The following VWA8 variants were observed in gnomAD, a reference collection of about 807,000 sequenced individuals.
VWA8 encodes the protein von Willebrand factor A domain-containing protein 8.
A neutral mutation model predicts 241.5 loss-of-function variants in VWA8; 221 were observed. The ratio of observed to expected loss-of-function variants is 0.91; its 90% CI spans 0.82 to 1.02. VWA8 has a LOEUF of 1.02. VWA8 is among the 50% of genes least tolerant of loss of function. The pLI, the probability that VWA8 is intolerant of heterozygous loss-of-function variation, is 0.00. For missense variants in VWA8, 2,322 were observed against 2,328.7 expected, an observed-to-expected ratio of 1.00 and a Z score of 0.06; for synonymous variants, 852 against 827.1, an observed-to-expected ratio of 1.03 and a Z score of -0.52.
At chr13:41,952,755 TA>T (rs3074013) in intron 1 of VWA8, among the ~76,000 whole-genome samples, 3 of 151,834 alleles carry the variant, frequency 2.0e-5, no homozygotes, top group South Asian at 2.1e-4. Context: ...ATTTTTTTTT[TA>T]AAAAAAGTAA....
At chr13:41,573,601 A>C (rs1054876409) in intron 43 of VWA8, among the ~76,000 whole-genome samples, 4 of 135,544 alleles carry the variant, frequency 3.0e-5, no homozygotes, top group South Asian at 2.3e-4. Context: ...ATACACCTCT[A>C]TATATACGCA....
At chr13:41,727,170 T>G in intron 24 of VWA8, 24 bp downstream of exon 24, 1 of 1,509,574 alleles carries the variant, frequency 6.6e-7, no homozygotes, top group South Asian at 1.3e-5. Flanking sequence ...CTATTGGTAT[T>G]GTTATTATCA....
chr13:41,937,638 C>T (rs559523665), intron 2 of VWA8, among the ~76,000 whole-genome samples: 2 of 152,260 alleles, frequency 1.3e-5, no homozygotes, highest in South Asian at 4.1e-4. Flanking sequence ...CAGACCAGTA[C>T]TGGACCCATC....
intron 20 of VWA8, among the ~76,000 whole-genome samples, chr13:41,773,534 G>C (rs1868425175): frequency 6.6e-6 from 1 of 152,184 alleles, no homozygotes; most frequent in South Asian, 2.1e-4. Flanking sequence ...GCAAAGCACA[G>C]TTCTGTGGGG....
intron 4 of VWA8, among the ~76,000 whole-genome samples, chr13:41,904,115 C>CT (rs1348231330): frequency 6.6e-6 from 1 of 152,044 alleles, no homozygotes; most frequent in East Asian, 1.9e-4. Flanking sequence ...TAAAAATATT[C>CT]TTTTTAGAAG....
At chr13:41,906,522 G>C (rs1038642192) in intron 4 of VWA8, among the ~76,000 whole-genome samples, 1 of 151,812 alleles carries the variant, frequency 6.6e-6, no homozygotes, top group Non-Finnish European at 1.5e-5. Flanking sequence ...CTATCAGTAC[G>C]TACACATTCA....
intron 20 of VWA8, among the ~76,000 whole-genome samples, chr13:41,767,983 C>A (rs761576894): frequency 1.3e-5 from 2 of 152,198 alleles, no homozygotes; most frequent in Non-Finnish European, 2.9e-5. Flanking sequence ...ACTAAATTGG[C>A]AGAAAGAATG....
At chr13:41,754,386 C>A (rs140697999) in intron 21 of VWA8, among the ~76,000 whole-genome samples, 1 of 152,128 alleles carries the variant, frequency 6.6e-6, no homozygotes, top group African/African-American at 2.4e-5. Context: ...GCCTCTCCAG[C>A]CACATGGAAC....
intron 2 of VWA8, among the ~76,000 whole-genome samples, chr13:41,912,594 G>A (rs1336899514): frequency 6.6e-6 from 1 of 152,068 alleles, no homozygotes; most frequent in Non-Finnish European, 1.5e-5. Flanking sequence ...CTAAAAGAGA[G>A]ATATGATCAA....
intron 21 of VWA8, among the ~76,000 whole-genome samples, chr13:41,759,536 T>C (rs78980135): frequency 0.019 from 2,948 of 151,816 alleles, 96 homozygotes; most frequent in African/African-American, 0.066. Flanking sequence ...TCCTCTCTTT[T>C]GAGACTACAA....
At chr13:41,910,322 G>A (rs879279253) in intron 3 of VWA8, among the ~76,000 whole-genome samples, 3 of 152,010 alleles carry the variant, frequency 2.0e-5, no homozygotes, top group African/African-American at 4.8e-5. Flanking sequence ...GGCCGGGCAC[G>A]GTGGCTGTAA....
chr13:41,885,057 G>T (rs9566876), intron 8 of VWA8, among the ~76,000 whole-genome samples: 14,329 of 151,986 alleles, frequency 0.094, 862 homozygotes, highest in African/African-American at 0.17. Context: ...TCCAACAAAG[G>T]TGTCTTCCTC....
rs113422215 is a variant in VWA8, at chr13:41,600,776, G to C, written c.4986+4392C>G. On this transcript the variant is annotated intron_variant, in intron 40 of 44. Coordinates refer to ENST00000379310, the MANE Select transcript of VWA8 (RefSeq NM_015058.2). Reference sequence around the variant, plus strand: ...CCTGTGTCTCTTTCTGTCCTCCAGGGCTTGAAAACCTCCCATTTCCCTTCC... The same window carrying C: ...CCTGTGTCTCTTTCTGTCCTCCAGGCCTTGAAAACCTCCCATTTCCCTTCC... Among the ~76,000 whole-genome samples, 845 of 152,104 alleles carry C rather than the reference G, an allele frequency of 5.6e-3. 5 individuals are homozygous for C. Among genetic ancestry groups the C allele is most frequent in the Non-Finnish European group, 8.7e-3 (588 of 67,966 alleles).
intron 14 of VWA8, among the ~76,000 whole-genome samples, chr13:41,821,195 T>TGCTGC (rs1870942746): frequency 6.6e-6 from 1 of 152,174 alleles, no homozygotes; most frequent in Non-Finnish European, 1.5e-5. Flanking sequence ...GATGATAATT[T>TGCTGC]ACTGGCCCAT....
At chr13:41,960,015 A>T (rs117166704) in intron 1 of VWA8, among the ~76,000 whole-genome samples, 3 of 152,168 alleles carry the variant, frequency 2.0e-5, no homozygotes, top group African/African-American at 7.2e-5. Flanking sequence ...AGCAGCACTG[A>T]CATTGACAAA....
intron 34 of VWA8, among the ~76,000 whole-genome samples, chr13:41,688,299 G>A (rs929254133): frequency 2.6e-5 from 4 of 152,086 alleles, no homozygotes; most frequent in Admixed American, 1.3e-4. Context: ...TTGGAGTACC[G>A]TCAAGCAGAG....
At chr13:41,575,170 C>CAAAT (rs1230643506) in intron 43 of VWA8, among the ~76,000 whole-genome samples, 1 of 152,060 alleles carries the variant, frequency 6.6e-6, no homozygotes, top group African/African-American at 2.4e-5. Context: ...AATCGAAAAC[C>CAAAT]AAATACTGTA....
intron 37 of VWA8, among the ~76,000 whole-genome samples, chr13:41,635,881 T>C (rs892450566): frequency 6.6e-6 from 1 of 152,096 alleles, no homozygotes; most frequent in Non-Finnish European, 1.5e-5. Context: ...AGGGGGGTGC[T>C]GAGTTAGAAG....
intron 2 of VWA8, 49 bp from the exon 3 acceptor site, chr13:41,912,217 A>G (rs1282424478): frequency 1.2e-5 from 18 of 1,466,772 alleles, no homozygotes; most frequent in Non-Finnish European, 1.6e-5. Context: ...TATTACTTAT[A>G]ATATAAATCT....
Sources: allele counts gnomAD v4.1 joint callset (sites outside exome capture counted in the v4.1 genomes callset), GRCh38; gene constraint gnomAD v4.1.1; transcripts MANE v1.5; gene names NCBI Gene and HGNC (gene_info 2026-07-23, HGNC 2026-07-21).